The following KCNQ3 variants were observed in gnomAD, a reference collection of about 807,000 sequenced individuals.
KCNQ3 encodes potassium voltage-gated channel subfamily KQT member 3.
KCNQ3 carries 30 observed loss-of-function variants against 92.5 expected under a neutral mutation model. That is an observed-to-expected ratio of 0.32 (90% CI 0.24 to 0.44). The LOEUF (loss-of-function observed/expected upper bound fraction) is 0.44. KCNQ3 is among the 20% of genes least tolerant of loss of function. The pLI is 1.00. For synonymous variants in KCNQ3, 450 were observed against 468.8 expected (o/e 0.96, Z 0.52); for missense variants, 913 against 1,140.3 (o/e 0.80, Z 2.87).
intron 1 of KCNQ3, among the ~76,000 whole-genome samples, chr8:132,238,945 G>A (rs1163343940): frequency 6.6e-6 from 1 of 152,218 alleles, no homozygotes; most frequent in Non-Finnish European, 1.5e-5. Flanking sequence ...AAACAACCGT[G>A]ACATGGAGCA....
At chr8:132,236,335 G>A (rs1238549856) in intron 1 of KCNQ3, among the ~76,000 whole-genome samples, 1 of 152,130 alleles carries the variant, frequency 6.6e-6, no homozygotes, top group Non-Finnish European at 1.5e-5. Flanking sequence ...ACCTCCATCA[G>A]GTTATTCTAT....
At chr8:132,133,512 C>T (rs964022103) in intron 13 of KCNQ3, among the ~76,000 whole-genome samples, 15 of 151,950 alleles carry the variant, frequency 9.9e-5, no homozygotes, top group African/African-American at 2.2e-4. Context: ...GGCGCCACCA[C>T]GCCCAGCTAA....
chr8:132,248,223 AC>A (rs1424747290), intron 1 of KCNQ3, among the ~76,000 whole-genome samples: 1 of 152,102 alleles, frequency 6.6e-6, no homozygotes, highest in Non-Finnish European at 1.5e-5. Flanking sequence ...GGGAAAGGGT[AC>A]TGATGAAATT....
chr8:132,351,872 AC>A (rs1818877725), intron 1 of KCNQ3, among the ~76,000 whole-genome samples: 1 of 152,164 alleles, frequency 6.6e-6, no homozygotes, highest in Non-Finnish European at 1.5e-5. Context: ...CTGCCAGCTG[AC>A]AGTGGGCAAA....
chr8:132,180,431 G>C, intron 3 of KCNQ3, 102 bp from the exon 4 acceptor site: 1 of 1,258,372 alleles, frequency 7.9e-7, no homozygotes, highest in Non-Finnish European at 1.1e-6. Context: ...ATCAGCATGT[G>C]CCAAGCAGTG....
intron 1 of KCNQ3, among the ~76,000 whole-genome samples, chr8:132,469,558 C>A (rs1822251719): frequency 6.6e-6 from 1 of 152,078 alleles, no homozygotes; most frequent in African/African-American, 2.4e-5. Context: ...CAGGGCATGG[C>A]ATCTAAAAAG....
intron 1 of KCNQ3, among the ~76,000 whole-genome samples, chr8:132,369,940 G>A (rs1293875925): frequency 6.6e-6 from 1 of 152,098 alleles, no homozygotes; most frequent in Non-Finnish European, 1.5e-5. Flanking sequence ...CCTCACTCTA[G>A]GGCTTTCCCA....
intron 1 of KCNQ3, among the ~76,000 whole-genome samples, chr8:132,233,575 C>A (rs1452616159): frequency 6.6e-6 from 1 of 152,178 alleles, no homozygotes; most frequent in Non-Finnish European, 1.5e-5. Context: ...ACTCTAAAAG[C>A]ATCAATGGAA....
chr8:132,270,129 T>C (rs1382680439), intron 1 of KCNQ3, among the ~76,000 whole-genome samples: 1 of 94,232 alleles, frequency 1.1e-5, no homozygotes, highest in African/African-American at 3.1e-5. Flanking sequence ...ATGATTTTCC[T>C]GAAAAAAAAA....
intron 1 of KCNQ3, among the ~76,000 whole-genome samples, chr8:132,336,571 A>G (rs1323246317): frequency 6.6e-6 from 1 of 152,204 alleles, no homozygotes; most frequent in Non-Finnish European, 1.5e-5. Flanking sequence ...ATCTGAAGCC[A>G]GGGAGCCTGC....
intron 1 of KCNQ3, among the ~76,000 whole-genome samples, chr8:132,322,949 G>A (rs150540708): frequency 3.9e-5 from 6 of 152,282 alleles, no homozygotes; most frequent in East Asian, 1.9e-4. Flanking sequence ...AGGTTACTGC[G>A]TTGGTGCTGA....
At chr8:132,417,613 G>C (rs1397623215) in intron 1 of KCNQ3, among the ~76,000 whole-genome samples, 1 of 152,148 alleles carries the variant, frequency 6.6e-6, no homozygotes, top group Non-Finnish European at 1.5e-5. Flanking sequence ...CTATGTGCTG[G>C]GGACTTGACC....
chr8:132,165,415 T>G (rs1318912908), intron 8 of KCNQ3, among the ~76,000 whole-genome samples: 1 of 150,876 alleles, frequency 6.6e-6, no homozygotes, highest in Non-Finnish European at 1.5e-5. Flanking sequence ...AATAAAAGGG[T>G]TTTAACAACA....
chr8:132,320,999 T>C (rs564702269), intron 1 of KCNQ3, among the ~76,000 whole-genome samples: 1 of 152,292 alleles, frequency 6.6e-6, no homozygotes, highest in Admixed American at 6.5e-5. Flanking sequence ...AAACTACCCA[T>C]AGAGAGTTCA....
chr8:132,315,955 G>A (rs1817731456), intron 1 of KCNQ3, among the ~76,000 whole-genome samples: 1 of 152,106 alleles, frequency 6.6e-6, no homozygotes. Context: ...TCTTAAAATA[G>A]CCTGAATATA....
chr8:132,332,784 G>A (rs939507365), intron 1 of KCNQ3, among the ~76,000 whole-genome samples: 1 of 152,122 alleles, frequency 6.6e-6, no homozygotes, highest in Non-Finnish European at 1.5e-5. Flanking sequence ...AACTTACCAC[G>A]ACTGTTCCAA....
intron 1 of KCNQ3, chr8:132,187,340 G>T (rs1827003598): frequency 5.4e-5 from 24 of 444,748 alleles, no homozygotes; most frequent in South Asian, 3.7e-4. Context: ...TTGTCTCATG[G>T]TGTGACCATA....
intron 1 of KCNQ3, among the ~76,000 whole-genome samples, chr8:132,307,454 G>A (rs1034064860): frequency 1.2e-4 from 18 of 152,204 alleles, no homozygotes; most frequent in Admixed American, 8.5e-4. Flanking sequence ...ACTGAGAAAC[G>A]TGGGGCTTAG....
chr8:132,383,534 G>A (rs887223231), intron 1 of KCNQ3, among the ~76,000 whole-genome samples: 10 of 152,144 alleles, frequency 6.6e-5, no homozygotes, highest in Admixed American at 1.3e-4. Context: ...CACTGAGATG[G>A]TTTGGGGTCC....
Sources: allele counts gnomAD v4.1 joint callset (sites outside exome capture counted in the v4.1 genomes callset), GRCh38; gene constraint gnomAD v4.1.1; transcripts MANE v1.5; gene names NCBI Gene and HGNC (gene_info 2026-07-23, HGNC 2026-07-21).